The following DGKD variants were observed in gnomAD, a reference collection of about 807,000 sequenced individuals.
The protein encoded by DGKD is DAG kinase delta.
Under a neutral mutation model 154.4 loss-of-function variants are expected in DGKD, and 68 were observed. The observed-to-expected ratio is 0.44, with a 90% CI of 0.36 to 0.54. The LOEUF (loss-of-function observed/expected upper bound fraction) is 0.54. DGKD is among the 20% of genes least tolerant of loss of function. DGKD has a pLI of 0.00. For missense variants in DGKD, 1,343 were observed against 1,593.6 expected (o/e 0.84, Z 2.68); for synonymous variants, 693 against 638.0 (o/e 1.09, Z -1.30).
intron 8 of DGKD, 80 bp downstream of exon 8, chr2:233,437,559 G>A: frequency 7.2e-7 from 1 of 1,393,792 alleles, no homozygotes; most frequent in South Asian, 1.2e-5. Context: ...TCCAGCTCTG[G>A]AGTTGGTTAT....
chr2:233,373,615 G>T (rs923077871), intron 1 of DGKD, among the ~76,000 whole-genome samples: 1 of 152,146 alleles, frequency 6.6e-6, no homozygotes, highest in Non-Finnish European at 1.5e-5. Flanking sequence ...ATACAAAAGG[G>T]CATGCTTGTG....
chr2:233,412,177 A>G (rs530652825), intron 3 of DGKD, among the ~76,000 whole-genome samples: 205 of 152,288 alleles, frequency 1.3e-3, no homozygotes, highest in African/African-American at 4.5e-3. Context: ...ATTGTGTTAA[A>G]TCTGTAGATC....
intron 1 of DGKD, among the ~76,000 whole-genome samples, chr2:233,365,150 A>G (rs904506986): frequency 6.6e-6 from 1 of 152,238 alleles, no homozygotes; most frequent in Non-Finnish European, 1.5e-5. Flanking sequence ...AGATGTTTTA[A>G]CACACCTGTC....
chr2:233,446,570 C>CAGA (rs2063077180), intron 11 of DGKD, 142 bp from the exon 12 acceptor site: 1 of 733,478 alleles, frequency 1.4e-6, no homozygotes. Context: ...AGTTATGGGA[C>CAGA]AGAGTCAAGA....
chr2:233,462,241 TC>T lies in DGKD; in HGVS notation c.2982-105del. ...CCCTGTCGTCCTGCTGGGCCTGCCC[TC>T]CACATCAGCCCTCCAGGTGGTACCT... is the stretch of plus-strand genomic sequence containing the variant. On this transcript the variant is annotated intron_variant, in intron 24 of 29. Coordinates refer to ENST00000264057, the MANE Select transcript of DGKD (RefSeq NM_152879.3). 1.2e-5 allele frequency: 10 copies of T among 868,150 alleles called. No homozygotes were observed. The South Asian group carries it at 1.7e-4, about 15-fold the overall frequency. 53.8% of individuals were successfully genotyped at this position (868,150 alleles called of 1,614,324 possible).
At chr2:233,402,132 C>T (rs759812188) in intron 3 of DGKD, among the ~76,000 whole-genome samples, 2 of 152,020 alleles carry the variant, frequency 1.3e-5, no homozygotes, top group Admixed American at 6.6e-5. Flanking sequence ...CAAATTCTCC[C>T]CACCGACCCT....
rs1208436388 is a variant in DGKD at position 233,449,963 on chromosome 2, A to G, written c.1889-19A>G. 1 of 1,573,826 alleles carries G rather than the reference A, an allele frequency of 6.4e-7. No individual in the cohort carries two copies. The highest frequency in any genetic ancestry group is 2.3e-5 in the East Asian group (1 of 44,164). The stretch of plus-strand genomic sequence containing the variant: ...GCTTTGCACCCGCGTGCTCAGCCGC[A>G]CACACTCTCCTTGCACAGCTGTCGA... On this transcript the variant is annotated intron_variant, in intron 15 of 29. Coordinates refer to ENST00000264057, the MANE Select transcript of DGKD (RefSeq NM_152879.3). This position sits in a 1 kb window ranked among gnomAD's most constrained non-coding sequence, Gnocchi z 5.3.
Position 233,448,593 on chromosome 2 carries a change from C to G in DGKD, c.1614+218C>G, listed in dbSNP as rs537666928. On this transcript the variant is annotated intron_variant, in intron 14 of 29. Transcript: ENST00000264057. ...TACACTCCACACTGTGGGAGCTGCCCGAGCAGCGGCTCAAGGGTCCAGACA... is the reference window on the plus strand; with the variant it reads ...TACACTCCACACTGTGGGAGCTGCCGGAGCAGCGGCTCAAGGGTCCAGACA... Among the ~76,000 whole-genome samples the G allele has an allele frequency of 2.0e-5, 3 of 152,322 alleles. No homozygotes were observed. In the East Asian group the frequency reaches 5.8e-4, roughly 29 times the overall value.
intron 1 of DGKD, among the ~76,000 whole-genome samples, chr2:233,377,670 A>G (rs1176248571): frequency 6.6e-6 from 1 of 152,022 alleles, no homozygotes; most frequent in Non-Finnish European, 1.5e-5. Flanking sequence ...TGGGCTTGCT[A>G]GATCAGAAGA....
intron 1 of DGKD, among the ~76,000 whole-genome samples, chr2:233,378,949 T>C: frequency 6.6e-6 from 1 of 152,178 alleles, no homozygotes; most frequent in Non-Finnish European, 1.5e-5. Context: ...GAGGATCTCT[T>C]GAGCCCAAGA....
chr2:233,451,464 A>G (rs1266067221), intron 17 of DGKD, among the ~76,000 whole-genome samples: 2 of 152,108 alleles, frequency 1.3e-5, no homozygotes, highest in Non-Finnish European at 2.9e-5. Context: ...CTTGATATTC[A>G]TTCCTTAGGA....
chr2:233,358,648 A>G (rs1018561351), intron 1 of DGKD, among the ~76,000 whole-genome samples: 13 of 152,254 alleles, frequency 8.5e-5, no homozygotes, highest in Admixed American at 3.9e-4. Context: ...ACATAAATGG[A>G]ATCATACAAT....
At chr2:233,448,448 G>A (rs917901208) in intron 14 of DGKD, 73 bp downstream of exon 14, 30 of 1,334,462 alleles carry the variant, frequency 2.2e-5, no homozygotes, top group African/African-American at 1.2e-4. Flanking sequence ...GCAGAGGGCC[G>A]TGACTGCAGG....
intron 19 of DGKD, among the ~76,000 whole-genome samples, chr2:233,456,389 A>G (rs2063463193): frequency 6.6e-6 from 1 of 152,250 alleles, no homozygotes; most frequent in Non-Finnish European, 1.5e-5. Context: ...GTGAAACTGT[A>G]AACAAGTTAC....
At chr2:233,405,512 C>G (rs1299298795) in intron 3 of DGKD, among the ~76,000 whole-genome samples, 1 of 148,996 alleles carries the variant, frequency 6.7e-6, no homozygotes, top group Non-Finnish European at 1.5e-5. Flanking sequence ...GAGTGAAACT[C>G]TGTCTAAAAA....
chr2:233,376,003 C>T (rs1305017312), intron 1 of DGKD, among the ~76,000 whole-genome samples: 1 of 152,068 alleles, frequency 6.6e-6, no homozygotes, highest in Non-Finnish European at 1.5e-5. Flanking sequence ...TTTATTGAAA[C>T]AGAGTGATTT....
intron 3 of DGKD, among the ~76,000 whole-genome samples, chr2:233,402,576 T>C (rs2061587068): frequency 6.6e-6 from 1 of 152,218 alleles, no homozygotes; most frequent in Non-Finnish European, 1.5e-5. Flanking sequence ...CAAGCCCCGC[T>C]GAAGAGGTGC....
In DGKD at chr2:233,446,599, A is replaced by C. The variant is rs1006577860; in HGVS notation, c.1335-113A>C. ...GTCAAGACCAAGGGCCTAAAAATGAAGTCAGAAACGGTGTAAAGATCAAGG... is the reference window on the plus strand; with the variant it reads ...GTCAAGACCAAGGGCCTAAAAATGACGTCAGAAACGGTGTAAAGATCAAGG... On this transcript the variant is annotated intron_variant, in intron 11 of 29. Coordinates refer to ENST00000264057, the MANE Select transcript of DGKD (RefSeq NM_152879.3). The C allele has an allele frequency of 6.0e-5, 64 of 1,065,644 alleles. No individual in the cohort carries two copies. In the East Asian group the frequency reaches 1.6e-3, roughly 26 times the overall value. The allele number at this position is 1,065,644 out of a possible 1,614,324, so 66.0% of individuals were successfully genotyped here. A position where few individuals can be genotyped will look rare whatever the true frequency, so the allele number is the denominator to read the frequency against.
rs191698597 is a variant in DGKD, at chr2:233,368,471, C to T, written c.156+13797C>T. On this transcript the variant is annotated intron_variant, in intron 1 of 29. Coordinates refer to ENST00000264057, the MANE Select transcript of DGKD (RefSeq NM_152879.3). ...AGGTTGCAGTGAGCCAAGATCACACCACTGCACTCCAGGCTGGGCGACAGA... is the reference window on the plus strand; with the variant it reads ...AGGTTGCAGTGAGCCAAGATCACACTACTGCACTCCAGGCTGGGCGACAGA... Among the ~76,000 whole-genome samples, 274 of 152,226 alleles carry T rather than the reference C, an allele frequency of 1.8e-3. 1 individual carries two copies. The highest frequency in any genetic ancestry group is 3.4e-3 in the Middle Eastern group (1 of 294).
Sources: allele counts gnomAD v4.1 joint callset (sites outside exome capture counted in the v4.1 genomes callset), GRCh38; gene constraint gnomAD v4.1.1; non-coding constraint Gnocchi (gnomAD v3.1); transcripts MANE v1.5; gene names NCBI Gene and HGNC (gene_info 2026-07-23, HGNC 2026-07-21).